TNRC6C: variants seen among roughly 807,000 people sequenced by gnomAD.
TNRC6C encodes trinucleotide repeat-containing gene 6C protein.
A neutral mutation model predicts 153.7 loss-of-function variants in TNRC6C; 20 were observed. The observed-to-expected ratio is 0.13, with a 90% confidence interval of 0.09 to 0.19. TNRC6C has a LOEUF of 0.19. Ranked by LOEUF, TNRC6C falls within the 10% of genes least tolerant of loss-of-function variation. TNRC6C has a pLI of 1.00. For missense variants in TNRC6C, 1,987 were observed against 2,172.0 expected, an observed-to-expected ratio of 0.91 and a Z score of 1.69; for synonymous variants, 811 against 841.4, an observed-to-expected ratio of 0.96 and a Z score of 0.63.
intron 11 of TNRC6C, among the ~76,000 whole-genome samples, chr17:78,084,366 A>T (rs1169470605): frequency 6.6e-6 from 1 of 151,170 alleles, no homozygotes. Flanking sequence ...AGACAGAACC[A>T]TTGGCATAAA....
chr17:78,018,624 A>G (rs1238545841), intron 1 of TNRC6C, among the ~76,000 whole-genome samples: 4 of 152,110 alleles, frequency 2.6e-5, no homozygotes, highest in Non-Finnish European at 5.9e-5. Context: ...CTTTTTTTGC[A>G]GCACTTTACA....
In TNRC6C at chr17:78,050,645, A is replaced by G. The variant is rs77879497; in HGVS notation, c.1583A>G (p.Asn528Ser). 2.4e-3 allele frequency: 3,766 copies of G among 1,566,060 alleles called. 80 individuals are homozygous for G. The African/African-American group carries it at 0.046, about 19-fold the overall frequency. ...AACACAGGTTGGGGAGACAGCAACA[A>G]CAAAGCGCCAAGTGGCCCGGGGGTT... The change falls in exon 3 of 20, where the codon AAC (asparagine) becomes AGC (serine). Residue 528 changes from asparagine to serine, a missense_variant. By Grantham distance (46) the Asn-to-Ser change is conservative. Transcript: ENST00000301624.
At chr17:78,018,444 T>A (rs1245918493) in intron 1 of TNRC6C, among the ~76,000 whole-genome samples, 1 of 152,174 alleles carries the variant, frequency 6.6e-6, no homozygotes, top group Non-Finnish European at 1.5e-5. Flanking sequence ...CATGTTTTTT[T>A]ATATAATACT....
At chr17:78,063,022 G>A (rs1307838880) in intron 3 of TNRC6C, among the ~76,000 whole-genome samples, 1 of 152,036 alleles carries the variant, frequency 6.6e-6, no homozygotes, top group Non-Finnish European at 1.5e-5. Flanking sequence ...GAAGCGGGGG[G>A]ATCACTTGAG....
intron 16 of TNRC6C, among the ~76,000 whole-genome samples, chr17:78,096,366 C>T (rs1468789825): frequency 1.3e-5 from 2 of 152,172 alleles, no homozygotes; most frequent in East Asian, 3.8e-4. Context: ...CCCCACGACG[C>T]ACAGTTCACC....
At chr17:78,012,194 A>G (rs1228626626) in intron 1 of TNRC6C, 1 of 152,238 alleles carries the variant, frequency 6.6e-6, no homozygotes, top group Admixed American at 6.5e-5. Flanking sequence ...ACATTAATAA[A>G]TGAGCTAAAT....
chr17:78,090,537 C>T (rs1268859265), intron 13 of TNRC6C, among the ~76,000 whole-genome samples: 3 of 152,214 alleles, frequency 2.0e-5, no homozygotes, highest in Non-Finnish European at 4.4e-5. Flanking sequence ...GAGGGGGGCG[C>T]TTGTGCTGGT....
upstream of TNRC6C, among the ~76,000 whole-genome samples, chr17:77,958,999 C>T (rs1308734012): frequency 6.9e-6 from 1 of 145,130 alleles, no homozygotes; most frequent in Non-Finnish European, 1.5e-5. Flanking sequence ...AGCCGCATCC[C>T]GCCGGGCGTG....
chr17:77,962,155 T>A (rs531652289), intron 1 of TNRC6C, among the ~76,000 whole-genome samples: 5 of 152,306 alleles, frequency 3.3e-5, no homozygotes, highest in East Asian at 3.9e-4. Context: ...TGACATTTTT[T>A]AAAAAAGACT....
At chr17:78,040,058 C>T (rs1163855989) in intron 2 of TNRC6C, among the ~76,000 whole-genome samples, 2 of 152,208 alleles carry the variant, frequency 1.3e-5, no homozygotes, top group Admixed American at 6.5e-5. Flanking sequence ...TCCAGGTTCT[C>T]TTTAGGTAAA....
At chr17:78,108,201 G>A (rs1417799985) in exon 20 of TNRC6C, 2 of 152,570 alleles carry the variant, frequency 1.3e-5, no homozygotes, top group Admixed American at 6.5e-5. Context: ...CCCGCCCACT[G>A]TGGGTCAATT....
chr17:77,965,319 A>G (rs1486717517), intron 1 of TNRC6C, among the ~76,000 whole-genome samples: 1 of 152,204 alleles, frequency 6.6e-6, no homozygotes, highest in East Asian at 1.9e-4. Context: ...CCAGCTGCCA[A>G]TATTAACTGA....
At chr17:78,072,504 C>G (rs190612429) in intron 6 of TNRC6C, among the ~76,000 whole-genome samples, 3 of 152,282 alleles carry the variant, frequency 2.0e-5, no homozygotes, top group African/African-American at 7.2e-5. Flanking sequence ...GCATCCTGTC[C>G]TCATGGCAGG....
chr17:78,060,592 C>T (rs1462733555), intron 3 of TNRC6C, among the ~76,000 whole-genome samples: 4 of 151,610 alleles, frequency 2.6e-5, no homozygotes, highest in African/African-American at 9.7e-5. Context: ...GGTGCCTCAG[C>T]CTCCTGAGTA....
chr17:78,101,867 C>T (rs1271846361), intron 17 of TNRC6C, among the ~76,000 whole-genome samples: 1 of 151,888 alleles, frequency 6.6e-6, no homozygotes, highest in Admixed American at 6.6e-5. Flanking sequence ...AACCTTCCAG[C>T]ATGGGCGTCA....
intron 2 of TNRC6C, among the ~76,000 whole-genome samples, chr17:78,047,885 C>T (rs1239656091): frequency 6.6e-6 from 1 of 152,076 alleles, no homozygotes; most frequent in African/African-American, 2.4e-5. Context: ...ATAAGTTTGA[C>T]TGCAATGTTG....
At chr17:78,030,105 GTACTACTGTACATAAT>G (rs1321903060) in intron 1 of TNRC6C, among the ~76,000 whole-genome samples, 24 of 151,932 alleles carry the variant, frequency 1.6e-4, no homozygotes, top group Admixed American at 5.9e-4. Context: ...GAACCATTAT[GTACTACTGTACATAAT>G]TACTACTGTA....
upstream of TNRC6C, among the ~76,000 whole-genome samples, chr17:78,002,119 C>A (rs1310814474): frequency 1.3e-5 from 2 of 151,486 alleles, no homozygotes; most frequent in African/African-American, 4.9e-5. Flanking sequence ...AAACACTTTT[C>A]AAATCCAAGT....
exon 20 of TNRC6C, chr17:78,105,922 A>T (rs1375166863): frequency 6.6e-6 from 1 of 152,228 alleles, no homozygotes; most frequent in Admixed American, 6.5e-5. Flanking sequence ...GACTGCGTTT[A>T]AAAAGTACAG....
Sources: allele counts gnomAD v4.1 joint callset (sites outside exome capture counted in the v4.1 genomes callset), GRCh38; gene constraint gnomAD v4.1.1; transcripts MANE v1.5; gene names NCBI Gene and HGNC (gene_info 2026-07-23, HGNC 2026-07-21).